The following PARD6B variants were observed in gnomAD, a reference collection of about 807,000 sequenced individuals.
PARD6B encodes par-6 family cell polarity regulator beta, also known as partitioning defective 6 homolog beta.
Under a neutral mutation model 10.5 loss-of-function variants are expected in PARD6B, and 4 were observed. The ratio of observed to expected loss-of-function variants is 0.38; its 90% CI spans 0.19 to 0.87. PARD6B has a LOEUF of 0.87. Ranked by LOEUF, PARD6B falls within the 40% of genes least tolerant of loss-of-function variation. The pLI is 0.41. For synonymous variants in PARD6B, 169 were observed against 170.4 expected, an observed-to-expected ratio of 0.99 and a Z score of 0.07; for missense variants, 396 against 470.6, an observed-to-expected ratio of 0.84 and a Z score of 1.47.
chr20:50,749,864 G>A lies in PARD6B; in HGVS notation c.495G>A (p.Thr165=), dbSNP rs940380390. 19 of 1,613,976 alleles carry A rather than the reference G, an allele frequency of 1.2e-5. No homozygotes were observed. Among genetic ancestry groups the A allele is most frequent in the Admixed American group, 1.7e-5 (1 of 59,978 alleles). Residue 165 remains threonine, a synonymous_variant, in exon 3 of 3, where the codon ACG becomes ACA. Transcript: ENST00000371610. ...GGGTACGTCTTTACAAATACGGCACGGAGAAACCCCTAGGATTCTACATCC... is the reference window on the plus strand; with the variant it reads ...GGGTACGTCTTTACAAATACGGCACAGAGAAACCCCTAGGATTCTACATCC... ...HRRVRLYKYG[T]EKPLGFYIRD... is the part of the protein sequence containing the mutation.
intron 2 of PARD6B, among the ~76,000 whole-genome samples, chr20:50,744,982 T>C (rs1017878138): frequency 6.6e-6 from 1 of 152,222 alleles, no homozygotes; most frequent in African/African-American, 2.4e-5. Context: ...ACCATACCTA[T>C]TTTATTCACC....
Position 50,750,953 on chromosome 20 carries a change from GATTTTTTTTTTTT to G in PARD6B, c.*466_*478del. ...TCTCATGTTCCCAATATTTTATTTT[GATTTTTTTTTTTT>G]TTTTTTTTTTTTTTTTTTTTAGTGA... On this transcript the variant is annotated 3_prime_UTR_variant, in exon 3 of 3. Coordinates refer to ENST00000371610, the MANE Select transcript of PARD6B (RefSeq NM_032521.3). 3 of 211,082 alleles carry G rather than the reference GATTTTTTTTTTTT, an allele frequency of 1.4e-5. No homozygotes were observed. The highest frequency in any genetic ancestry group is 1.7e-5 in the Non-Finnish European group (3 of 172,238). The allele number at this position is 211,082 out of a possible 1,614,324, so 13.1% of individuals were successfully genotyped here. A position where few individuals can be genotyped will look rare whatever the true frequency, so the allele number is the denominator to read the frequency against.
chr20:50,744,373 C>G (rs2087552524), intron 2 of PARD6B, among the ~76,000 whole-genome samples: 1 of 152,084 alleles, frequency 6.6e-6, no homozygotes. Flanking sequence ...CTCGGCCTGC[C>G]AAAGTGCTGG....
In PARD6B at chr20:50,750,727, CT is replaced by C; in HGVS notation, c.*240del. ...TTGCTGATGAAGTTACGTGCTTTTG[CT>C]GTTTTGTCTGTGGAGAATCAGATGT... is the stretch of plus-strand genomic sequence containing the variant. On this transcript the variant is annotated 3_prime_UTR_variant, in exon 3 of 3. Coordinates refer to ENST00000371610, the MANE Select transcript of PARD6B (RefSeq NM_032521.3). The C allele has an allele frequency of 7.8e-7, 1 of 1,278,360 alleles. No individual in the cohort carries two copies. The highest frequency in any genetic ancestry group is 9.9e-7 in the Non-Finnish European group (1 of 1,009,790). The allele number at this position is 1,278,360 out of a possible 1,614,324, so 79.2% of individuals were successfully genotyped here.
intron 2 of PARD6B, among the ~76,000 whole-genome samples, chr20:50,745,428 G>T (rs948722729): frequency 6.8e-6 from 1 of 146,208 alleles, no homozygotes; most frequent in African/African-American, 2.5e-5. Context: ...AAAAAAAAAA[G>T]TTGCCAGATC....
At chr20:50,742,981 T>TA (rs1262426171) in intron 2 of PARD6B, among the ~76,000 whole-genome samples, 1 of 152,192 alleles carries the variant, frequency 6.6e-6, no homozygotes, top group Non-Finnish European at 1.5e-5. Flanking sequence ...CATTCCCTGT[T>TA]AAGAGTATTA....
Position 50,737,847 on chromosome 20 carries a change from ACGT to A in PARD6B, c.67-9_67-7del. 3 of 1,465,478 alleles carry A rather than the reference ACGT, an allele frequency of 2.0e-6. No individual in the cohort carries two copies. Among genetic ancestry groups the A allele is most frequent in the African/African-American group, 1.5e-5 (1 of 67,020 alleles). 90.8% of individuals were successfully genotyped at this position (1,465,478 alleles called of 1,614,324 possible). A position where few individuals can be genotyped will look rare whatever the true frequency, so the allele number is the denominator to read the frequency against. On this transcript the variant is annotated splice_polypyrimidine_tract_variant and splice_region_variant and intron_variant, in intron 1 of 2. Coordinates refer to ENST00000371610, the MANE Select transcript of PARD6B (RefSeq NM_032521.3). ...TTTTTTTTTAAGTAATATGTTTGTTACGTTTATAGTTTGGAGCTGAATTTCGTC... is the reference window on the plus strand; with the variant it reads ...TTTTTTTTTAAGTAATATGTTTGTTATTATAGTTTGGAGCTGAATTTCGTC...
At chr20:50,738,952 A>G (rs1276069835) in intron 2 of PARD6B, among the ~76,000 whole-genome samples, 2 of 145,826 alleles carry the variant, frequency 1.4e-5, no homozygotes, top group African/African-American at 5.1e-5. Flanking sequence ...GAGTCCTAAA[A>G]CTTTTTTTTT....
chr20:50,737,653 A>G (rs1382326146), intron 1 of PARD6B, among the ~76,000 whole-genome samples: 1 of 152,180 alleles, frequency 6.6e-6, no homozygotes, highest in Non-Finnish European at 1.5e-5. Context: ...AATGCTCTTC[A>G]GAGACACAGC....
intron 1 of PARD6B, among the ~76,000 whole-genome samples, chr20:50,734,635 C>T (rs1270055091): frequency 6.6e-6 from 1 of 152,264 alleles, no homozygotes. Flanking sequence ...ACTGGGACTA[C>T]AGGCGTGAGC....
Position 50,731,930 on chromosome 20 carries a change from G to A in PARD6B, c.66+78G>A, listed in dbSNP as rs910322865. On this transcript the variant is annotated intron_variant, in intron 1 of 2. Coordinates refer to ENST00000371610, the MANE Select transcript of PARD6B (RefSeq NM_032521.3). ...GGAGAGGCCGGGCCAGGCTCGGAGC[G>A]CCGGGGGAGGCGACGGGCTGAGCTG... The A allele has an allele frequency of 9.9e-5, 121 of 1,218,976 alleles. No individual in the cohort carries two copies. The African/African-American group carries it at 1.9e-3, about 19-fold the overall frequency. The allele number at this position is 1,218,976 out of a possible 1,614,324, so 75.5% of individuals were successfully genotyped here. A position where few individuals can be genotyped will look rare whatever the true frequency, so the allele number is the denominator to read the frequency against.
In PARD6B at chr20:50,750,195, T is replaced by G. The variant is rs753778322; in HGVS notation, c.826T>G (p.Tyr276Asp). Reference protein sequence around the residue: ...GQSTDNSLLGYPQQIEPSFEP... With the variant: ...GQSTDNSLLGDPQQIEPSFEP... ...GTCTACTGATAACAGCCTTCTTGGC[T>G]ACCCACAGCAGATTGAACCAAGCTT... The change falls in exon 3 of 3, where the codon TAC becomes GAC. Residue 276 changes from tyrosine (Y) to aspartate (D), a missense_variant. This residue lies in a region of PARD6B where 188 missense variants were observed against 169.7 expected (regional missense o/e 1.11). Transcript: ENST00000371610. 6.2e-7 allele frequency: 1 copy of G among 1,614,202 alleles called. No homozygotes were observed.
rs1429047374 is a variant in PARD6B at position 50,751,950 on chromosome 20, C to A, written c.*1462C>A. 2 of 975,700 alleles carry A rather than the reference C, an allele frequency of 2.0e-6. No homozygotes were observed. The highest frequency in any genetic ancestry group is 2.4e-6 in the Non-Finnish European group (2 of 821,454). 60.4% of individuals were successfully genotyped at this position (975,700 alleles called of 1,614,324 possible). On this transcript the variant is annotated 3_prime_UTR_variant, in exon 3 of 3. Coordinates refer to ENST00000371610, the MANE Select transcript of PARD6B (RefSeq NM_032521.3). ...AACTCCTGACCTCAAGTGATCCGCC[C>A]ATCTCCTCCCAAAGTGCTGGATTGC... is the stretch of plus-strand genomic sequence containing the variant.
chr20:50,752,553 A>G lies in PARD6B; in HGVS notation c.*2065A>G, dbSNP rs2087619483. ...TTATTGTACAGTGTGCACAAGCACA[A>G]TGGTATGCTTGTATATAGAAACTAA... On this transcript the variant is annotated 3_prime_UTR_variant, in exon 3 of 3. Transcript: ENST00000371610. The G allele has an allele frequency of 1.0e-6, 1 of 984,502 alleles. No individual in the cohort carries two copies. The highest frequency in any genetic ancestry group is 1.2e-6 in the Non-Finnish European group (1 of 828,906). The allele number at this position is 984,502 out of a possible 1,614,324, so 61.0% of individuals were successfully genotyped here.
intron 2 of PARD6B, among the ~76,000 whole-genome samples, chr20:50,744,200 C>T (rs1357910178): frequency 2.7e-5 from 4 of 148,374 alleles, no homozygotes; most frequent in Non-Finnish European, 4.5e-5. Context: ...CGGCAACCTC[C>T]GCCTCCTGGG....
chr20:50,753,454 A>C lies in PARD6B; in HGVS notation c.*2966A>C. 1.0e-6 allele frequency: 1 copy of C among 981,808 alleles called. No individual in the cohort carries two copies. The highest frequency in any genetic ancestry group is 1.2e-6 in the Non-Finnish European group (1 of 826,208). The allele number at this position is 981,808 out of a possible 1,614,324, so 60.8% of individuals were successfully genotyped here. On this transcript the variant is annotated 3_prime_UTR_variant, in exon 3 of 3. Coordinates refer to ENST00000371610, the MANE Select transcript of PARD6B (RefSeq NM_032521.3). ...TTTTATAGTACTAAATGTCAAGCCTAACTGTGAATTTTGTTCTGTATCTTA... is the reference window on the plus strand; with the variant it reads ...TTTTATAGTACTAAATGTCAAGCCTCACTGTGAATTTTGTTCTGTATCTTA...
chr20:50,747,655 T>G (rs939092762), intron 2 of PARD6B, among the ~76,000 whole-genome samples: 1 of 152,116 alleles, frequency 6.6e-6, no homozygotes, highest in Non-Finnish European at 1.5e-5. Flanking sequence ...TGCTGTTAGT[T>G]TCATTTTCTG....
chr20:50,752,456 T>G lies in PARD6B; in HGVS notation c.*1968T>G. The G allele has an allele frequency of 1.0e-6, 1 of 985,692 alleles. No homozygotes were observed. The highest frequency in any genetic ancestry group is 4.7e-5 in the South Asian group (1 of 21,290). The allele number at this position is 985,692 out of a possible 1,614,324, so 61.1% of individuals were successfully genotyped here. Reference sequence around the variant, plus strand: ...ATCACTATTAATTTTATGAGGCTATTTATTACTTTCCAATGCATCCACTTA... The same window carrying G: ...ATCACTATTAATTTTATGAGGCTATGTATTACTTTCCAATGCATCCACTTA... On this transcript the variant is annotated 3_prime_UTR_variant, in exon 3 of 3. Transcript: ENST00000371610.
chr20:50,743,403 A>G (rs902470749), intron 2 of PARD6B, among the ~76,000 whole-genome samples: 1 of 152,216 alleles, frequency 6.6e-6, no homozygotes, highest in Non-Finnish European at 1.5e-5. Context: ...CTCATAGGGC[A>G]TGCCCTTACA....
Sources: allele counts gnomAD v4.1 joint callset (sites outside exome capture counted in the v4.1 genomes callset), GRCh38; gene constraint gnomAD v4.1.1; regional missense constraint gnomAD v4.1.1; transcripts MANE v1.5; gene names NCBI Gene and HGNC (gene_info 2026-07-23, HGNC 2026-07-21).